Variants in NCOA2 observed in about 807,000 individuals in gnomAD.
The protein encoded by NCOA2 is class E basic helix-loop-helix protein 75.
NCOA2 carries 21 observed loss-of-function variants against 145.1 expected under a neutral mutation model. The observed-to-expected ratio is 0.14, with a 90% CI of 0.10 to 0.21. The LOEUF (loss-of-function observed/expected upper bound fraction) is 0.21. Among genes scored for constraint, NCOA2 ranks in the 10% least tolerant of loss-of-function variants. NCOA2 has a pLI of 1.00. For synonymous variants in NCOA2, 619 were observed against 637.5 expected, an observed-to-expected ratio of 0.97 and a Z score of 0.44; for missense variants, 1,472 against 1,837.6, an observed-to-expected ratio of 0.80 and a Z score of 3.64.
At position 70,156,972 on chromosome 8, in the gene NCOA2, G is replaced by C; in HGVS notation, c.1393C>G (p.Leu465Val). 2.5e-6 allele frequency: 4 copies of C among 1,614,044 alleles called. No homozygotes were observed. The highest frequency in any genetic ancestry group is 2.2e-5 in the East Asian group (1 of 44,886). The change falls in exon 11 of 23, where the codon CTC (leucine) becomes GTC (valine). Residue 465 changes from leucine to valine, a missense_variant. By Grantham distance (32) the Leu-to-Val change is conservative. This residue lies in a region of NCOA2 where 953 missense variants were observed against 1,062.1 expected (regional missense o/e 0.90). Coordinates refer to ENST00000452400, the MANE Select transcript of NCOA2 (RefSeq NM_006540.4). ...CTTTGTGAGGGGCTGTTCATTTTGA[G>C]TGCATAGTTACTACCCTGAGGAGTG... ...ATTPQGSNYA[L>V]KMNSPSQSSP...
chr8:70,144,374 C>G (rs559545575), intron 13 of NCOA2, among the ~76,000 whole-genome samples: 1 of 152,098 alleles, frequency 6.6e-6, no homozygotes, highest in African/African-American at 2.4e-5. Flanking sequence ...AGAACAGTAA[C>G]TGGGATAGAA....
chr8:70,251,129 T>G (rs1291223198), intron 2 of NCOA2, among the ~76,000 whole-genome samples: 1 of 152,076 alleles, frequency 6.6e-6, no homozygotes, highest in East Asian at 1.9e-4. Context: ...GTGGGTATCA[T>G]CCCACTAACA....
intron 1 of NCOA2, among the ~76,000 whole-genome samples, chr8:70,379,152 T>C (rs13253394): frequency 1.4e-4 from 21 of 152,342 alleles, no homozygotes; most frequent in African/African-American, 4.6e-4. Flanking sequence ...TTTTTCCTTA[T>C]TTTAGCTAAA....
At chr8:70,312,719 T>C (rs1337302456) in intron 1 of NCOA2, among the ~76,000 whole-genome samples, 1 of 152,210 alleles carries the variant, frequency 6.6e-6, no homozygotes, top group Admixed American at 6.5e-5. Context: ...TTTGTACATT[T>C]AACACGACAG....
intron 2 of NCOA2, among the ~76,000 whole-genome samples, chr8:70,265,924 G>A (rs1370339334): frequency 6.6e-6 from 1 of 151,910 alleles, no homozygotes; most frequent in African/African-American, 2.4e-5. Flanking sequence ...GGGATCACGA[G>A]ATCAAGAATT....
chr8:70,164,144 T>C (rs1231201303), intron 7 of NCOA2, among the ~76,000 whole-genome samples: 1 of 152,164 alleles, frequency 6.6e-6, no homozygotes, highest in African/African-American at 2.4e-5. Flanking sequence ...ACCTAGAAAA[T>C]GCAGCGTGCA....
chr8:70,405,407 T>A (rs1814722945), upstream of NCOA2, among the ~76,000 whole-genome samples: 1 of 150,498 alleles, frequency 6.6e-6, no homozygotes, highest in South Asian at 2.1e-4. Context: ...AATGTTTGCA[T>A]TGACTATGTA....
intron 11 of NCOA2, among the ~76,000 whole-genome samples, chr8:70,151,508 G>A (rs1425080949): frequency 6.6e-6 from 1 of 152,092 alleles, no homozygotes; most frequent in African/African-American, 2.4e-5. Context: ...GGCTGGTCTT[G>A]AACTCCCAAC....
At chr8:70,283,525 G>C (rs1826031780) in intron 2 of NCOA2, among the ~76,000 whole-genome samples, 1 of 152,170 alleles carries the variant, frequency 6.6e-6, no homozygotes, top group East Asian at 1.9e-4. Context: ...TGCATGTTTG[G>C]TTCACTTACA....
intron 4 of NCOA2, among the ~76,000 whole-genome samples, chr8:70,185,172 A>C (rs1305469668): frequency 1.3e-5 from 2 of 152,110 alleles, no homozygotes; most frequent in Non-Finnish European, 2.9e-5. Flanking sequence ...TATCATAGGG[A>C]GGTTGAAATT....
At chr8:70,155,663 T>C (rs938920862) in intron 11 of NCOA2, among the ~76,000 whole-genome samples, 7 of 152,224 alleles carry the variant, frequency 4.6e-5, no homozygotes, top group African/African-American at 1.4e-4. Context: ...TTACACAGTG[T>C]CTGTGGCTGC....
At chr8:70,308,955 G>C (rs758747464) in intron 1 of NCOA2, among the ~76,000 whole-genome samples, 2 of 152,168 alleles carry the variant, frequency 1.3e-5, no homozygotes, top group Non-Finnish European at 2.9e-5. Context: ...TTGCCTTAAT[G>C]ACTGGCTTGA....
At chr8:70,407,902 G>A (rs1814807146), upstream of NCOA2, among the ~76,000 whole-genome samples, 1 of 152,120 alleles carries the variant, frequency 6.6e-6, no homozygotes, top group Admixed American at 6.5e-5. Context: ...GATCCCCTCA[G>A]TCTTATTTTG....
At chr8:70,153,829 G>C (rs138461105) in intron 11 of NCOA2, among the ~76,000 whole-genome samples, 1 of 152,332 alleles carries the variant, frequency 6.6e-6, no homozygotes, top group Non-Finnish European at 1.5e-5. Context: ...CGGAACAGCT[G>C]CTAATAGAAC....
At chr8:70,203,261 C>CAAAAAAAAAAA (rs34990647) in intron 4 of NCOA2, among the ~76,000 whole-genome samples, 1 of 121,954 alleles carries the variant, frequency 8.2e-6, no homozygotes, top group Non-Finnish European at 1.6e-5. Context: ...GACTCTGTCT[C>CAAAAAAAAAAA]AAAAAAAAAA....
At chr8:70,225,493 G>A (rs1295499924) in intron 2 of NCOA2, among the ~76,000 whole-genome samples, 3 of 151,304 alleles carry the variant, frequency 2.0e-5, no homozygotes, top group South Asian at 2.1e-4. Flanking sequence ...AGGTTGCAGT[G>A]AGCCAAGATT....
At chr8:70,192,029 G>A (rs1816751385) in intron 4 of NCOA2, among the ~76,000 whole-genome samples, 1 of 152,092 alleles carries the variant, frequency 6.6e-6, no homozygotes, top group African/African-American at 2.4e-5. Flanking sequence ...GCGAGAGAGT[G>A]AGAATCCGTC....
intron 1 of NCOA2, among the ~76,000 whole-genome samples, chr8:70,300,927 T>C (rs1480625918): frequency 6.6e-6 from 1 of 152,198 alleles, no homozygotes; most frequent in Non-Finnish European, 1.5e-5. Flanking sequence ...GGGTAGGCCC[T>C]GCTACTATCA....
At chr8:70,409,880 A>C in the NCOA2 span, among the ~76,000 whole-genome samples, 1 of 152,004 alleles carries the variant, frequency 6.6e-6, no homozygotes, top group South Asian at 2.1e-4. Flanking sequence ...ACCCTGTGTG[A>C]AAGAAAGAAT....
Sources: gnomAD v4.1 joint callset for allele counts (sites outside exome capture counted in the v4.1 genomes callset) on GRCh38, gnomAD v4.1.1 for gene constraint, gnomAD v4.1.1 regional missense constraint, MANE v1.5 for transcripts, NCBI Gene and HGNC (gene_info 2026-07-23, HGNC 2026-07-21) for gene names.